The following ADAM18 variants were observed in gnomAD, a reference collection of about 807,000 sequenced individuals.
ADAM18 encodes the protein ADAM metallopeptidase domain 18, also known as disintegrin and metalloproteinase domain-containing protein 18.
Under a neutral mutation model 94.4 loss-of-function variants are expected in ADAM18, and 117 were observed. The ratio of observed to expected loss-of-function variants is 1.24; its 90% CI spans 1.07 to 1.45. ADAM18 has a LOEUF of 1.45. Among genes scored for constraint, ADAM18 ranks in the 40% most tolerant of loss-of-function variants. The pLI is 0.00. For missense variants in ADAM18, 936 were observed against 880.0 expected (o/e 1.06, Z -0.81); for synonymous variants, 327 against 291.6 (o/e 1.12, Z -1.24).
At chr8:39,723,177 AAAC>A (rs1822807850) in intron 18 of ADAM18, among the ~76,000 whole-genome samples, 2 of 139,484 alleles carry the variant, frequency 1.4e-5, no homozygotes, top group African/African-American at 5.4e-5. Context: ...AGTATTAAAA[AAAC>A]AAAGGTAATA....
chr8:39,699,132 C>T (rs1821998975), intron 17 of ADAM18, among the ~76,000 whole-genome samples: 1 of 151,952 alleles, frequency 6.6e-6, no homozygotes, highest in South Asian at 2.1e-4. Flanking sequence ...CTAAATGTGC[C>T]AAATTGGTAA....
intron 2 of ADAM18, among the ~76,000 whole-genome samples, chr8:39,597,063 T>A (rs1052305276): frequency 3.3e-5 from 5 of 152,286 alleles, no homozygotes; most frequent in African/African-American, 1.2e-4. Context: ...ATGTCTTATT[T>A]GCTTGACATA....
At chr8:39,670,616 C>T (rs1821126736) in intron 14 of ADAM18, among the ~76,000 whole-genome samples, 1 of 152,156 alleles carries the variant, frequency 6.6e-6, no homozygotes, top group Admixed American at 6.6e-5. Context: ...ACCAGATGGA[C>T]ATTGCCATAT....
intron 17 of ADAM18, among the ~76,000 whole-genome samples, chr8:39,696,886 T>C (rs1437942503): frequency 2.6e-5 from 4 of 151,642 alleles, no homozygotes; most frequent in African/African-American, 9.7e-5. Context: ...TGATGCATTT[T>C]TCAATTTGTG....
chr8:39,729,595 T>C (rs1384249022), intron 19 of ADAM18, among the ~76,000 whole-genome samples: 2 of 152,130 alleles, frequency 1.3e-5, no homozygotes, highest in Non-Finnish European at 2.9e-5. Flanking sequence ...TTTCATAGTT[T>C]GCCTGGTAAA....
At chr8:39,625,872 CCTT>C (rs1207891920) in intron 6 of ADAM18, among the ~76,000 whole-genome samples, 1 of 151,990 alleles carries the variant, frequency 6.6e-6, no homozygotes, top group Non-Finnish European at 1.5e-5. Flanking sequence ...TGAGGTGAAA[CCTT>C]CTGATCATGG....
At chr8:39,671,943 C>A (rs759809486) in intron 14 of ADAM18, among the ~76,000 whole-genome samples, 1 of 152,052 alleles carries the variant, frequency 6.6e-6, no homozygotes, top group South Asian at 2.1e-4. Context: ...AATAGAGGAA[C>A]ACAACATGGG....
At chr8:39,596,939 A>C (rs987645821) in intron 2 of ADAM18, among the ~76,000 whole-genome samples, 3 of 152,164 alleles carry the variant, frequency 2.0e-5, no homozygotes, top group African/African-American at 7.2e-5. Context: ...ATTTTTTTAG[A>C]GCAGTATTAG....
chr8:39,610,694 T>C lies in ADAM18; in HGVS notation c.510T>C (p.Pro170=). The change falls in exon 6 of 20, where the codon CCT becomes CCC. Residue 170 remains proline (P), a synonymous_variant. Transcript: ENST00000265707. The part of the protein sequence containing the change: ...IWQKDQPYKV[P]LNSQIKNLSK... ...AGAAAGACCAGCCCTACAAAGTTCC[T>C]TTAAACTCACAGGTGACTGTCATCA... 9.3e-6 allele frequency: 15 copies of C among 1,612,958 alleles called. No individual in the cohort carries two copies. Among genetic ancestry groups the C allele is most frequent in the Non-Finnish European group, 1.3e-5 (15 of 1,179,442 alleles).
chr8:39,661,205 T>C (rs1218766994), intron 12 of ADAM18, among the ~76,000 whole-genome samples: 1 of 143,944 alleles, frequency 6.9e-6, no homozygotes, highest in Non-Finnish European at 1.5e-5. Flanking sequence ...CAGGCTGGAG[T>C]GCAGTGGTGC....
chr8:39,601,091 G>C lies in ADAM18; in HGVS notation c.133-5216G>C, dbSNP rs139041068. On this transcript the variant is annotated intron_variant, in intron 2 of 19. Coordinates refer to ENST00000265707, the MANE Select transcript of ADAM18 (RefSeq NM_014237.3). ...AGAGCAGGAGGAAGAGAGAGGAGGA[G>C]GAGATGCTGCACACTTTTAAACAAC... Among the ~76,000 whole-genome samples the C allele has an allele frequency of 2.8e-3, 429 of 152,262 alleles. 5 individuals carry two copies. The highest frequency in any genetic ancestry group is 9.9e-3 in the African/African-American group (413 of 41,550).
intron 6 of ADAM18, among the ~76,000 whole-genome samples, chr8:39,617,095 A>G (rs571102081): frequency 6.6e-6 from 1 of 152,322 alleles, no homozygotes; most frequent in South Asian, 2.1e-4. Flanking sequence ...ACAGAATGGG[A>G]GAAAACATTC....
chr8:39,713,697 T>C (rs1822486319), intron 18 of ADAM18, among the ~76,000 whole-genome samples: 2 of 152,084 alleles, frequency 1.3e-5, no homozygotes, highest in African/African-American at 4.8e-5. Context: ...AAAATGCTCA[T>C]CATCACTGGC....
In ADAM18 at chr8:39,637,510, A is replaced by C. The variant is rs766288632; in HGVS notation, c.661-27A>C. 7 of 1,553,414 alleles carry C rather than the reference A, an allele frequency of 4.5e-6. No individual in the cohort carries two copies. The East Asian group carries it at 1.6e-4, about 35-fold the overall frequency. ...TTAAATGTAATAACTTGTTTCTTTA[A>C]AAATGTACAATACATCTTATTTTTA... On this transcript the variant is annotated intron_variant, in intron 8 of 19. Transcript: ENST00000265707.
intron 12 of ADAM18, among the ~76,000 whole-genome samples, chr8:39,649,354 C>T (rs1416558651): frequency 1.3e-5 from 2 of 151,580 alleles, no homozygotes; most frequent in African/African-American, 4.8e-5. Flanking sequence ...GTATGTTGTA[C>T]ATATATAGTA....
At chr8:39,631,460 T>G (rs1819928765) in intron 7 of ADAM18, among the ~76,000 whole-genome samples, 1 of 151,900 alleles carries the variant, frequency 6.6e-6, no homozygotes, top group South Asian at 2.1e-4. Context: ...TCCATTCAGT[T>G]GTGTTAGCAA....
At chr8:39,669,275 GT>G (rs907076159) in intron 14 of ADAM18, among the ~76,000 whole-genome samples, 13 of 144,220 alleles carry the variant, frequency 9.0e-5, no homozygotes, top group South Asian at 2.2e-4. Context: ...GTTCTTTTTT[GT>G]TTTTTTTAAA....
intron 12 of ADAM18, among the ~76,000 whole-genome samples, chr8:39,654,729 T>C (rs921398038): frequency 1.3e-5 from 2 of 152,186 alleles, no homozygotes; most frequent in East Asian, 1.9e-4. Context: ...ATTTTGATAA[T>C]AGCCATTCTA....
At chr8:39,658,020 TC>T in intron 12 of ADAM18, among the ~76,000 whole-genome samples, 1 of 152,336 alleles carries the variant, frequency 6.6e-6, no homozygotes, top group Non-Finnish European at 1.5e-5. Context: ...CATTTCCATA[TC>T]TACAGTAATC....
Sources: allele counts gnomAD v4.1 joint callset (sites outside exome capture counted in the v4.1 genomes callset), GRCh38; gene constraint gnomAD v4.1.1; transcripts MANE v1.5; gene names NCBI Gene and HGNC (gene_info 2026-07-23, HGNC 2026-07-21).